VSIG1: variants seen among roughly 807,000 people sequenced by gnomAD.
The protein encoded by VSIG1 is V-set and immunoglobulin domain-containing protein 1.
VSIG1 carries 11 observed loss-of-function variants against 20.1 expected under a neutral mutation model. The observed-to-expected ratio is 0.55, with a 90% CI of 0.34 to 0.91. The LOEUF (loss-of-function observed/expected upper bound fraction) is 0.91, where lower values mean the gene tolerates loss of function less well. Among genes scored for constraint, VSIG1 ranks in the 40% least tolerant of loss-of-function variants. The pLI, the probability that VSIG1 is intolerant of heterozygous loss-of-function variation, is 0.02. For synonymous variants in VSIG1, 126 were observed against 116.7 expected, an observed-to-expected ratio of 1.08 and a Z score of -0.52; for missense variants, 283 against 298.8, an observed-to-expected ratio of 0.95 and a Z score of 0.39.
rs999484083 is a variant in VSIG1 at position 108,072,606 on chromosome X, G to A, written c.413-71G>A. 4 of 990,619 alleles carry A rather than the reference G, an allele frequency of 4.0e-6. No individual in the cohort carries two copies. In the African/African-American group the frequency reaches 5.7e-5, roughly 14 times the overall value. The allele number at this position is 990,619 out of a possible 1,213,427, so 81.6% of individuals were successfully genotyped here. A position where few individuals can be genotyped will look rare whatever the true frequency, so the allele number is the denominator to read the frequency against. Reference sequence around the variant, plus strand: ...CACATATTATTCAAAATGAAAGTGAGGAAGTGACTGCAATTGTCACAGAAT... The same window carrying A: ...CACATATTATTCAAAATGAAAGTGAAGAAGTGACTGCAATTGTCACAGAAT... On this transcript the variant is annotated intron_variant, in intron 3 of 6. Coordinates refer to ENST00000217957, the MANE Select transcript of VSIG1 (RefSeq NM_182607.5).
At chrX:108,023,751 A>C in the VSIG1 span, among the ~76,000 whole-genome samples, 3 of 112,176 alleles carry the variant, frequency 2.7e-5, no homozygotes, top group Non-Finnish European at 5.6e-5. Flanking sequence ...ACACAGGGTC[A>C]CATGGGGAAG....
At chrX:108,039,285 C>T in the VSIG1 span, among the ~76,000 whole-genome samples, 3 of 112,142 alleles carry the variant, frequency 2.7e-5, no homozygotes, top group South Asian at 1.1e-3. Flanking sequence ...CGGATTCAAG[C>T]GATTCTCCTG....
intron 4 of VSIG1, 101 bp from the exon 5 acceptor site, chrX:108,073,149 G>A (rs932306791): frequency 4.0e-5 from 39 of 981,405 alleles, no homozygotes; most frequent in Non-Finnish European, 4.7e-5. Context: ...AAGAAAGAGA[G>A]GCCAATATGG....
At chrX:108,046,767 T>C (rs2030590213) in intron 1 of VSIG1, among the ~76,000 whole-genome samples, 1 of 111,815 alleles carries the variant, frequency 8.9e-6, no homozygotes, top group Non-Finnish European at 1.9e-5. Flanking sequence ...CCTTGTATAC[T>C]TTTTTATTGT....
chrX:108,058,341 C>T, intron 2 of VSIG1, 140 bp downstream of exon 2: 1 of 574,019 alleles, frequency 1.7e-6, no homozygotes, highest in Non-Finnish European at 2.7e-6. Flanking sequence ...AGTTTGAAGA[C>T]AGCTGTATAG....
chrX:108,046,138 C>T (rs2030571600), intron 1 of VSIG1, among the ~76,000 whole-genome samples: 2 of 111,416 alleles, frequency 1.8e-5, no homozygotes. Context: ...TTCATACTTC[C>T]TGGGTTTTCT....
At chrX:108,027,512 A>T in the VSIG1 span, among the ~76,000 whole-genome samples, 10 of 112,011 alleles carry the variant, frequency 8.9e-5, no homozygotes, top group East Asian at 2.0e-3. Flanking sequence ...GAGAATAATG[A>T]GTGATTGCTT....
At chrX:108,075,406 T>C (rs112209181) in intron 5 of VSIG1, among the ~76,000 whole-genome samples, 4,000 of 111,899 alleles carry the variant, frequency 0.036, 78 homozygotes, top group Middle Eastern at 0.069. Flanking sequence ...TATTTACTTA[T>C]ATTCTCTTAA....
the VSIG1 span, among the ~76,000 whole-genome samples, chrX:108,025,615 G>A: frequency 1.8e-5 from 2 of 112,441 alleles, no homozygotes; most frequent in Non-Finnish European, 3.8e-5. Context: ...CTGTAAGCTG[G>A]GTGTGACTGT....
intron 5 of VSIG1, among the ~76,000 whole-genome samples, chrX:108,075,109 T>C (rs911965537): frequency 8.9e-6 from 1 of 112,024 alleles, no homozygotes; most frequent in Non-Finnish European, 1.9e-5. Context: ...TGGATTTAAC[T>C]AAAACTTGTG....
chrX:108,050,674 G>A (rs1016335875), intron 1 of VSIG1, among the ~76,000 whole-genome samples: 7 of 111,542 alleles, frequency 6.3e-5, no homozygotes, highest in Non-Finnish European at 1.3e-4. Context: ...CCTATGGGGA[G>A]CTTAATTACT....
rs754705582 is a variant in VSIG1, at chrX:108,073,272, C to A, written c.591C>A (p.Val197=). ...CAGACCCAACCACCGGGATTTTGGT[C>A]ATTGGAAATCTGACAAATTTTGAAC... ...ENFNPTTGIL[V]IGNLTNFEQG... is the part of the protein sequence containing the mutation. Residue 197 remains valine, a synonymous_variant, in exon 5 of 7, where the codon GTC becomes GTA. Transcript: ENST00000217957. 4.1e-6 allele frequency: 5 copies of A among 1,211,105 alleles called. No homozygotes were observed. The highest frequency in any genetic ancestry group is 4.5e-6 in the Non-Finnish European group (4 of 895,093).
chrX:108,034,615 A>G, the VSIG1 span, among the ~76,000 whole-genome samples: 1 of 112,636 alleles, frequency 8.9e-6, no homozygotes, highest in East Asian at 2.8e-4. Flanking sequence ...TTGCTTTTGC[A>G]TTTATACCAC....
the VSIG1 span, among the ~76,000 whole-genome samples, chrX:108,029,178 A>G: frequency 8.0e-5 from 9 of 112,213 alleles, no homozygotes; most frequent in South Asian, 3.0e-3. Flanking sequence ...CTAAAATGTT[A>G]CTCATTTATT....
the VSIG1 span, among the ~76,000 whole-genome samples, chrX:108,021,753 A>C: frequency 3.6e-5 from 4 of 112,329 alleles, no homozygotes; most frequent in Non-Finnish European, 7.5e-5. Context: ...AGGAGTAAAA[A>C]AATTATGCTT....
intron 2 of VSIG1, among the ~76,000 whole-genome samples, chrX:108,060,336 A>G (rs1395971043): frequency 9.0e-6 from 1 of 111,198 alleles, no homozygotes; most frequent in Non-Finnish European, 1.9e-5. Context: ...CTCTGATCTT[A>G]AAGCTGCATG....
rs915990600 is a variant in VSIG1 at position 108,078,131 on chromosome X, A to C, written c.*750A>C. Reference sequence around the variant, plus strand: ...TTGACCACTAAGAAAATAATTCATCAGCATTATCTCATAGATTGGAAAATT... The same window carrying C: ...TTGACCACTAAGAAAATAATTCATCCGCATTATCTCATAGATTGGAAAATT... On this transcript the variant is annotated 3_prime_UTR_variant, in exon 7 of 7. Transcript: ENST00000217957. 8.9e-6 allele frequency: 1 copy of C among 112,521 alleles called. No homozygotes were observed. The highest frequency in any genetic ancestry group is 3.2e-5 in the African/African-American group (1 of 30,955). The allele number at this position is 112,521 out of a possible 1,213,427, so 9.3% of individuals were successfully genotyped here.
At chrX:108,067,184 C>T (rs765388396) in intron 3 of VSIG1, 50 bp downstream of exon 3, 5 of 1,141,237 alleles carry the variant, frequency 4.4e-6, no homozygotes, top group Non-Finnish European at 6.0e-6. Flanking sequence ...AGTTAGGACA[C>T]TGAATGAGCC....
the VSIG1 span, among the ~76,000 whole-genome samples, chrX:108,027,064 T>C: frequency 5.4e-5 from 6 of 111,587 alleles, no homozygotes; most frequent in Non-Finnish European, 1.1e-4. Flanking sequence ...AAACCTCATA[T>C]ATTATTGGTG....
Sources: gnomAD v4.1 joint callset for allele counts (sites outside exome capture counted in the v4.1 genomes callset) on GRCh38, gnomAD v4.1.1 for gene constraint, MANE v1.5 for transcripts, NCBI Gene and HGNC (gene_info 2026-07-23, HGNC 2026-07-21) for gene names.